The following CALU variants were observed in gnomAD, a reference collection of about 807,000 sequenced individuals.
CALU encodes the protein IEF SSP 9302.
In CALU, 13 loss-of-function variants were observed where a neutral mutation model predicts 37.5. That is an observed-to-expected ratio of 0.35 (90% CI 0.23 to 0.55). The LOEUF (loss-of-function observed/expected upper bound fraction) is 0.55, where lower values mean the gene tolerates loss of function less well. Ranked by LOEUF, CALU falls within the 20% of genes least tolerant of loss-of-function variation. The pLI is 0.89. For synonymous variants in CALU, 114 were observed against 133.8 expected (o/e 0.85, Z 1.02); for missense variants, 282 against 391.7 (o/e 0.72, Z 2.36).
rs1801566445 is a variant in CALU at position 128,771,597 on chromosome 7, C to G, written c.*2430C>G. 1 of 152,506 alleles carries G rather than the reference C, an allele frequency of 6.6e-6. No homozygotes were observed. The highest frequency in any genetic ancestry group is 2.4e-5 in the African/African-American group (1 of 41,436). The allele number at this position is 152,506 out of a possible 1,614,324, so 9.4% of individuals were successfully genotyped here. A position where few individuals can be genotyped will look rare whatever the true frequency, so the allele number is the denominator to read the frequency against. On this transcript the variant is annotated 3_prime_UTR_variant, in exon 7 of 7. Transcript: ENST00000249364. ...TCTCCCAAACTCAGAGACAGCACTG[C>G]CTTCTCCTAAATGATTATTCTTTTC... is the stretch of plus-strand genomic sequence containing the variant.
chr7:128,743,038 C>T (rs144455358), intron 1 of CALU, among the ~76,000 whole-genome samples: 1,788 of 152,184 alleles, frequency 0.012, 35 homozygotes, highest in African/African-American at 0.039. Context: ...ATATAAAATA[C>T]CATTCTTTCA....
At chr7:128,761,961 T>G (rs1258533021) in intron 5 of CALU, among the ~76,000 whole-genome samples, 1 of 152,196 alleles carries the variant, frequency 6.6e-6, no homozygotes, top group Non-Finnish European at 1.5e-5. Flanking sequence ...TTTACCTCCC[T>G]TTTCTTAGGT....
chr7:128,759,429 A>G (rs1801014511), intron 4 of CALU, among the ~76,000 whole-genome samples: 1 of 152,212 alleles, frequency 6.6e-6, no homozygotes, highest in Non-Finnish European at 1.5e-5. Flanking sequence ...AACATAGACT[A>G]TCTATAGCTA....
At chr7:128,745,140 C>T (rs183122779) in intron 1 of CALU, among the ~76,000 whole-genome samples, 88 of 152,230 alleles carry the variant, frequency 5.8e-4, no homozygotes, top group African/African-American at 2.0e-3. Flanking sequence ...AGAATGTAAT[C>T]ATTTGTAAAA....
chr7:128,745,143 T>C (rs936100287), intron 1 of CALU, among the ~76,000 whole-genome samples: 1 of 152,224 alleles, frequency 6.6e-6, no homozygotes, highest in Non-Finnish European at 1.5e-5. Flanking sequence ...ATGTAATCAT[T>C]TGTAAAATTT....
intron 3 of CALU, among the ~76,000 whole-genome samples, chr7:128,755,736 AG>A (rs1450198767): frequency 6.6e-6 from 1 of 152,210 alleles, no homozygotes; most frequent in Non-Finnish European, 1.5e-5. Flanking sequence ...TTGATGATCC[AG>A]GGTGTTTTTA....
intron 5 of CALU, among the ~76,000 whole-genome samples, chr7:128,765,051 A>G (rs1453416538): frequency 1.3e-5 from 2 of 152,104 alleles, no homozygotes; most frequent in African/African-American, 2.4e-5. Context: ...CTGGGACCAC[A>G]GAAGAGCACC....
At chr7:128,750,212 A>G (rs369383434) in intron 2 of CALU, among the ~76,000 whole-genome samples, 1 of 139,572 alleles carries the variant, frequency 7.2e-6, no homozygotes, top group African/African-American at 2.7e-5. Flanking sequence ...TGGGCAACAG[A>G]GCCATCTCAA....
At chr7:128,765,505 G>A (rs1166422028) in intron 5 of CALU, among the ~76,000 whole-genome samples, 2 of 152,156 alleles carry the variant, frequency 1.3e-5, no homozygotes, top group African/African-American at 4.8e-5. Context: ...ATTATATTCT[G>A]ACATATTTTA....
chr7:128,744,742 CAGTCTGGGAA>C (rs1372844275), intron 1 of CALU, among the ~76,000 whole-genome samples: 1 of 152,046 alleles, frequency 6.6e-6, no homozygotes, highest in Non-Finnish European at 1.5e-5. Flanking sequence ...AGGAACAGCA[CAGTCTGGGAA>C]AGACTGTGGG....
At chr7:128,753,081 T>G (rs1372823454) in intron 2 of CALU, among the ~76,000 whole-genome samples, 1 of 152,250 alleles carries the variant, frequency 6.6e-6, no homozygotes, top group Non-Finnish European at 1.5e-5. Context: ...ACTTACAGGA[T>G]TTAAGTAATA....
chr7:128,769,176 G>T lies in CALU; in HGVS notation c.*9G>T. The T allele has an allele frequency of 7.1e-7, 1 of 1,403,556 alleles. No individual in the cohort carries two copies. Among genetic ancestry groups the T allele is most frequent in the Non-Finnish European group, 1.0e-6 (1 of 998,034 alleles). The allele number at this position is 1,403,556 out of a possible 1,614,324, so 86.9% of individuals were successfully genotyped here. ...GGCATGATGAGTTCTGAGCTACGGA[G>T]GAACCCTCATTTCCTCAAAAGTAAT... On this transcript the variant is annotated 3_prime_UTR_variant, in exon 7 of 7. Transcript: ENST00000249364.
At chr7:128,766,032 T>C (rs339094) in intron 5 of CALU, among the ~76,000 whole-genome samples, 71,232 of 152,072 alleles carry the variant, frequency 0.47, 17,082 homozygotes, top group African/African-American at 0.5. Context: ...TCTCGGCTCA[T>C]TGCAACCTCT....
In CALU at chr7:128,767,600, A is replaced by G. The variant is rs1562882956; in HGVS notation, c.788A>G (p.Tyr263Cys). ...AAAGACTGGATCCTTCCCTCAGACT[A>G]TGATCATGCAGAGGCAGAAGCCAGG... ...ETKDWILPSDYDHAEAEARHL... is the reference protein window; with the variant it reads ...ETKDWILPSDCDHAEAEARHL... Residue 263 changes from tyrosine to cysteine, a missense_variant, in exon 6 of 7, where the codon TAT becomes TGT. Transcript: ENST00000249364. The G allele has an allele frequency of 1.9e-6, 3 of 1,614,174 alleles. No homozygotes were observed. Among genetic ancestry groups the G allele is most frequent in the Non-Finnish European group, 2.5e-6 (3 of 1,180,000 alleles).
chr7:128,754,388 T>A lies in CALU; in HGVS notation c.348T>A (p.His116Gln). 2 of 1,614,138 alleles carry A rather than the reference T, an allele frequency of 1.2e-6. No individual in the cohort carries two copies. Among genetic ancestry groups the A allele is most frequent in the Middle Eastern group, 1.6e-4 (1 of 6,062 alleles). ...ATGTAGAGCGACAGTGGAAGGGGCA[T>A]GACCTCAATGAGGACGGCCTCGTTT... The part of the protein sequence containing the change: ...YEDVERQWKG[H>Q]DLNEDGLVSW... The change falls in exon 3 of 7, where the codon CAT (histidine) becomes CAA (glutamine). Residue 116 changes from histidine to glutamine, a missense_variant. Coordinates refer to ENST00000249364, the MANE Select transcript of CALU (RefSeq NM_001219.5).
intron 5 of CALU, among the ~76,000 whole-genome samples, chr7:128,765,219 T>C (rs1801285284): frequency 1.3e-5 from 2 of 151,994 alleles, no homozygotes; most frequent in Admixed American, 1.3e-4. Context: ...CTCCTGTTTC[T>C]TTTTTTTCTT....
chr7:128,747,676 A>G (rs1356185773), intron 1 of CALU: 2 of 151,874 alleles, frequency 1.3e-5, no homozygotes, highest in Non-Finnish European at 2.9e-5. Context: ...ACCACTCTGG[A>G]TAGTATCACG....
At chr7:128,744,078 T>C (rs1035606753) in intron 1 of CALU, among the ~76,000 whole-genome samples, 5 of 152,066 alleles carry the variant, frequency 3.3e-5, no homozygotes, top group African/African-American at 1.2e-4. Flanking sequence ...TGGTAGACCA[T>C]GCCTGTAATC....
intron 1 of CALU, among the ~76,000 whole-genome samples, chr7:128,744,391 G>A (rs1800353960): frequency 6.6e-6 from 1 of 151,882 alleles, no homozygotes; most frequent in African/African-American, 2.4e-5. Context: ...TACAGTTTTT[G>A]GTATGGATGG....
Sources: allele counts gnomAD v4.1 joint callset (sites outside exome capture counted in the v4.1 genomes callset), GRCh38; gene constraint gnomAD v4.1.1; transcripts MANE v1.5; gene names NCBI Gene and HGNC (gene_info 2026-07-23, HGNC 2026-07-21).